TLR5: variants seen among roughly 807,000 people sequenced by gnomAD.
TLR5 encodes toll like receptor 5.
For synonymous variants in TLR5, 373 were observed against 384.4 expected (o/e 0.97, Z 0.35); for missense variants, 944 against 999.8 (o/e 0.94, Z 0.75).
intron 5 of TLR5, among the ~76,000 whole-genome samples, chr1:223,115,453 T>A (rs1289803327): frequency 6.6e-6 from 1 of 152,202 alleles, no homozygotes; most frequent in Non-Finnish European, 1.5e-5. Context: ...TTTCACCATG[T>A]TGGCCCAGGA....
In TLR5 at chr1:223,111,309, C is replaced by A; in HGVS notation, c.1723G>T (p.Asp575Tyr). ...PDVFVSLSVL[D>Y]ITHNKFICEC... Reference sequence around the variant, plus strand: ...CAAATGAACTTGTTATGAGTTATATCCAAGACACTAAGTGATACAAATACA... The same window carrying A: ...CAAATGAACTTGTTATGAGTTATATACAAGACACTAAGTGATACAAATACA... The change falls in exon 6 of 6, where the codon GAT becomes TAT. Residue 575 changes from aspartate to tyrosine, a missense_variant. Coordinates refer to ENST00000642603, the MANE Select transcript of TLR5 (RefSeq NM_003268.6). 2 of 1,614,074 alleles carry A rather than the reference C, an allele frequency of 1.2e-6. No homozygotes were observed. Among genetic ancestry groups the A allele is most frequent in the Non-Finnish European group, 1.7e-6 (2 of 1,180,030 alleles).
Position 223,111,771 on chromosome 1 carries a change from T to C in TLR5, c.1261A>G (p.Ile421Val). The change falls in exon 6 of 6, where the codon ATC (isoleucine) becomes GTC (valine). Residue 421 changes from isoleucine to valine, a missense_variant. Ile to Val is a conservative substitution (Grantham distance 29). Transcript: ENST00000642603. Reference sequence around the variant, plus strand: ...TGGATGAGGTTCGCTGTAAGGTTGATCTTTGGCAAAGTCACTAGTTTATTG... The same window carrying C: ...TGGATGAGGTTCGCTGTAAGGTTGACCTTTGGCAAAGTCACTAGTTTATTG... ...SGNKLVTLPK[I>V]NLTANLIHLS... 2 of 1,614,230 alleles carry C rather than the reference T, an allele frequency of 1.2e-6. No homozygotes were observed. Among genetic ancestry groups the C allele is most frequent in the South Asian group, 1.1e-5 (1 of 91,088 alleles).
At chr1:223,113,082 G>A (rs1168964835) in intron 5 of TLR5, 47 bp from the exon 6 acceptor site, 13 of 1,578,128 alleles carry the variant, frequency 8.2e-6, no homozygotes, top group Non-Finnish European at 1.1e-5. Context: ...TAAGCTCGAG[G>A]TATTGCACTG....
intron 5 of TLR5, among the ~76,000 whole-genome samples, chr1:223,116,404 C>T (rs1042060781): frequency 1.3e-5 from 2 of 152,120 alleles, no homozygotes; most frequent in African/African-American, 4.8e-5. Flanking sequence ...TGGAGTTGTT[C>T]ATTCTTCCCA....
chr1:223,138,282 G>GGTTTT (rs371367612), intron 2 of TLR5, among the ~76,000 whole-genome samples: 1,587 of 151,848 alleles, frequency 0.01, 22 homozygotes, highest in African/African-American at 0.035. Context: ...TCTCCTTGTG[G>GGTTTT]GTTTTGTTTT....
intron 5 of TLR5, among the ~76,000 whole-genome samples, chr1:223,122,133 A>G (rs1334768258): frequency 2.0e-5 from 3 of 152,204 alleles, no homozygotes; most frequent in Admixed American, 6.5e-5. Context: ...CTCAGGTGCC[A>G]TGGGAGGTGC....
chr1:223,126,216 T>C (rs146285742), intron 5 of TLR5, among the ~76,000 whole-genome samples: 103 of 152,336 alleles, frequency 6.8e-4, no homozygotes, highest in African/African-American at 2.4e-3. Flanking sequence ...CGGATGAACT[T>C]TGAAGACATT....
intron 5 of TLR5, among the ~76,000 whole-genome samples, chr1:223,115,359 C>A (rs1209607542): frequency 6.6e-6 from 1 of 152,220 alleles, no homozygotes; most frequent in Non-Finnish European, 1.5e-5. Context: ...AAGTGATCCT[C>A]CCACCTCAGC....
chr1:223,138,276 C>T (rs1365644909), intron 2 of TLR5, among the ~76,000 whole-genome samples: 4 of 151,818 alleles, frequency 2.6e-5, no homozygotes, highest in African/African-American at 4.9e-5. Flanking sequence ...TATGAATCTC[C>T]TTGTGGGTTT....
rs1656260244 is a variant in TLR5, at chr1:223,110,488, GTTATTGTC to G, written c.2536_2543del (p.Asp846HisfsTer84). ...TGGTTGCTACAGTTTGCAACGGAAT[GTTATTGTC>G]TTTCTTCTTTTCTTTTTCTTTCTTT... On this transcript the variant is annotated frameshift_variant, in exon 6 of 6. Coordinates refer to ENST00000642603, the MANE Select transcript of TLR5 (RefSeq NM_003268.6). LOFTEE classifies it low-confidence loss of function (END_TRUNC). 1.2e-6 allele frequency: 2 copies of G among 1,614,060 alleles called. No homozygotes were observed. The highest frequency in any genetic ancestry group is 2.7e-5 in the African/African-American group (2 of 74,938).
Position 223,112,767 on chromosome 1 carries a change from C to G in TLR5, c.265G>C (p.Glu89Gln). The G allele has an allele frequency of 6.2e-7, 1 of 1,613,996 alleles. No homozygotes were observed. The change falls in exon 6 of 6, where the codon GAG becomes CAG. Residue 89 changes from glutamate (E) to glutamine (Q), a missense_variant. By Grantham distance (29) the Glu-to-Gln change is conservative. Transcript: ENST00000642603. ...SQYTPLTIDK[E>Q]AFRNLPNLRI... is the part of the protein sequence containing the mutation. ...AGGTTGGGCAGGTTTCTGAAGGCCT[C>G]CTTGTCAATAGTCAAGGGGGTATAC...
At chr1:223,130,521 G>T (rs758100207) in intron 5 of TLR5, among the ~76,000 whole-genome samples, 4 of 152,132 alleles carry the variant, frequency 2.6e-5, no homozygotes, top group African/African-American at 9.7e-5. Context: ...TGGGTTCCTT[G>T]GATGGGCCGG....
chr1:223,111,607 T>C lies in TLR5; in HGVS notation c.1425A>G (p.Leu475=). The C allele has an allele frequency of 6.2e-7, 1 of 1,614,176 alleles. No homozygotes were observed. Among genetic ancestry groups the C allele is most frequent in the Non-Finnish European group, 8.5e-7 (1 of 1,180,018 alleles). The change falls in exon 6 of 6, where the codon TTA becomes TTG. Residue 475 remains leucine (L), a synonymous_variant. Transcript: ENST00000642603. ...TATTTTCTCCAAGGAAAAGCTGTTC[T>C]AAGCTGGGATTCTCTGAAGGGGTTT... is the stretch of plus-strand genomic sequence containing the variant. The part of the protein sequence containing the change: ...GDQTPSENPS[L]EQLFLGENML...
rs1334371226 is a variant in TLR5 at position 223,112,780 on chromosome 1, C to T, written c.252G>A (p.Leu84=). 6.2e-7 allele frequency: 1 copy of T among 1,613,776 alleles called. No homozygotes were observed. The highest frequency in any genetic ancestry group is 1.1e-5 in the South Asian group (1 of 91,012). ...TTCTGAAGGCCTCCTTGTCAATAGT[C>T]AAGGGGGTATACTGGCTCCCGAGCT... ...LLELGSQYTP[L]TIDKEAFRNL... is the part of the protein sequence containing the mutation. Residue 84 remains leucine, a synonymous_variant, in exon 6 of 6, where the codon TTG becomes TTA. Transcript: ENST00000642603.
At chr1:223,134,018 G>A (rs763041542) in intron 4 of TLR5, among the ~76,000 whole-genome samples, 2 of 152,194 alleles carry the variant, frequency 1.3e-5, no homozygotes, top group Admixed American at 6.5e-5. Flanking sequence ...ATTTGTAGCT[G>A]GATTCAAATC....
In TLR5 at chr1:223,112,932, G is replaced by C. The variant is rs780529136; in HGVS notation, c.100C>G (p.Arg34Gly). 2 of 1,614,052 alleles carry C rather than the reference G, an allele frequency of 1.2e-6. No homozygotes were observed. Among genetic ancestry groups the C allele is most frequent in the Non-Finnish European group, 1.7e-6 (2 of 1,180,038 alleles). Residue 34 changes from arginine to glycine, a missense_variant, in exon 6 of 6, where the codon CGT (arginine) becomes GGT (glycine). Coordinates refer to ENST00000642603, the MANE Select transcript of TLR5 (RefSeq NM_003268.6). Reference protein sequence around the residue: ...CSFDGRIAFYRFCNLTQVPQV... With the variant: ...CSFDGRIAFYGFCNLTQVPQV... ...GGGACCTGGGTGAGGTTGCAGAAAC[G>C]ATAAAAGGCTATTCGGCCATCAAAG...
chr1:223,111,414 C>G lies in TLR5; in HGVS notation c.1618G>C (p.Val540Leu). The G allele has an allele frequency of 6.2e-7, 1 of 1,614,156 alleles. No individual in the cohort carries two copies. The highest frequency in any genetic ancestry group is 8.5e-7 in the Non-Finnish European group (1 of 1,180,024). Residue 540 changes from valine (V) to leucine (L), a missense_variant, in exon 6 of 6, where the codon GTT (valine) becomes CTT (leucine). Val to Leu is a conservative substitution (Grantham distance 32). Transcript: ENST00000642603. Reference protein sequence around the residue: ...GLSLNSNRLTVLSHNDLPANL... With the variant: ...GLSLNSNRLTLLSHNDLPANL... The stretch of plus-strand genomic sequence containing the variant: ...GCAGGTAAATCATTGTGAGAAAGAA[C>G]TGTCAGCCTGTTGGAGTTGAGGCTT...
In TLR5 at chr1:223,110,142, G is replaced by T; in HGVS notation, c.*313C>A. ...AGCCATCTGCAACTTCTCCCAAGGT[G>T]CCCTTCCCATGATTAGGATACATTC... On this transcript the variant is annotated 3_prime_UTR_variant, in exon 6 of 6. Transcript: ENST00000642603. 1 of 362,438 alleles carries T rather than the reference G, an allele frequency of 2.8e-6. No homozygotes were observed. Among genetic ancestry groups the T allele is most frequent in the Non-Finnish European group, 5.0e-6 (1 of 199,476 alleles). The allele number at this position is 362,438 out of a possible 1,614,324, so 22.5% of individuals were successfully genotyped here.
At chr1:223,114,756 G>A (rs1656541981) in intron 5 of TLR5, among the ~76,000 whole-genome samples, 1 of 152,166 alleles carries the variant, frequency 6.6e-6, no homozygotes, top group Admixed American at 6.5e-5. Flanking sequence ...GAAAAACTTG[G>A]TGAGAATGTT....
Sources: gnomAD v4.1 joint callset for allele counts (sites outside exome capture counted in the v4.1 genomes callset) on GRCh38, gnomAD v4.1.1 for gene constraint, MANE v1.5 for transcripts, NCBI Gene and HGNC (gene_info 2026-07-23, HGNC 2026-07-21) for gene names.